Variants in WSCD2 observed in about 807,000 individuals in gnomAD.
WSCD2 encodes the protein sialate:O-sulfotransferase 2.
WSCD2 carries 28 observed loss-of-function variants against 55.7 expected under a neutral mutation model. The ratio of observed to expected loss-of-function variants is 0.50; its 90% confidence interval spans 0.37 to 0.69. The LOEUF (loss-of-function observed/expected upper bound fraction) is 0.69. Ranked by LOEUF, WSCD2 falls within the 30% of genes least tolerant of loss-of-function variation. WSCD2 has a pLI of 0.00. For synonymous variants in WSCD2, 301 were observed against 301.9 expected, an observed-to-expected ratio of 1.00 and a Z score of 0.03; for missense variants, 616 against 762.1, an observed-to-expected ratio of 0.81 and a Z score of 2.26.
chr12:108,209,138 G>A (rs936536626), intron 3 of WSCD2, among the ~76,000 whole-genome samples: 9 of 152,028 alleles, frequency 5.9e-5, no homozygotes, highest in South Asian at 4.2e-4. Context: ...GCCACTAAGC[G>A]TCCTTTTTAG....
chr12:108,237,506 G>A (rs761177934), intron 7 of WSCD2, among the ~76,000 whole-genome samples: 67 of 152,198 alleles, frequency 4.4e-4, no homozygotes, highest in Admixed American at 2.1e-3. Flanking sequence ...GGTGGAGTCC[G>A]GCAATTCCGC....
At position 108,227,868 on chromosome 12, in the gene WSCD2, A is replaced by C. The variant is rs553648439; in HGVS notation, c.979+704A>C. Among the ~76,000 whole-genome samples, 21 of 152,202 alleles carry C rather than the reference A, an allele frequency of 1.4e-4. No individual in the cohort carries two copies. In the East Asian group the frequency reaches 3.9e-3, roughly 28 times the overall value. ...GACGCTGATAGTGCTGATGATAGTG[A>C]TGATGAAAGTGATGATGACGATGAT... is the stretch of plus-strand genomic sequence containing the variant. On this transcript the variant is annotated intron_variant, in intron 6 of 8. Coordinates refer to ENST00000547525, the MANE Select transcript of WSCD2 (RefSeq NM_014653.4).
chr12:108,183,033 G>T (rs1014074710), intron 1 of WSCD2, among the ~76,000 whole-genome samples: 5 of 151,914 alleles, frequency 3.3e-5, no homozygotes, highest in African/African-American at 9.7e-5. Flanking sequence ...GCAGTGTTCT[G>T]GTTCTCTCTT....
chr12:108,189,103 G>A (rs1315070709), intron 1 of WSCD2, among the ~76,000 whole-genome samples: 2 of 152,156 alleles, frequency 1.3e-5, no homozygotes, highest in South Asian at 2.1e-4. Flanking sequence ...GGAAAAGGTT[G>A]AAAAACCATT....
At chr12:108,199,954 T>C (rs541631330) in intron 2 of WSCD2, among the ~76,000 whole-genome samples, 3 of 152,190 alleles carry the variant, frequency 2.0e-5, no homozygotes, top group Non-Finnish European at 4.4e-5. Flanking sequence ...CCAGCTATTA[T>C]TATTTATACT....
chr12:108,224,844 A>C lies in WSCD2; in HGVS notation c.788A>C (p.Asp263Ala). The change falls in exon 5 of 9, where the codon GAC (aspartate) becomes GCC (alanine). Residue 263 changes from aspartate (D) to alanine (A), a missense_variant. Physicochemically the swap from Asp to Ala is moderately radical, Grantham distance 126. Coordinates refer to ENST00000547525, the MANE Select transcript of WSCD2 (RefSeq NM_014653.4). ...AACATGTCTGTGGACAAATGCGTGG[A>C]CTTCTGCACTGAGAAGGTGAGCACA... ...MLNMSVDKCV[D>A]FCTEKEYPLA... 7 of 1,613,548 alleles carry C rather than the reference A, an allele frequency of 4.3e-6. No homozygotes were observed. The highest frequency in any genetic ancestry group is 5.9e-6 in the Non-Finnish European group (7 of 1,180,016).
intron 1 of WSCD2, among the ~76,000 whole-genome samples, chr12:108,166,583 A>G (rs942140030): frequency 6.6e-6 from 1 of 152,104 alleles, no homozygotes; most frequent in Non-Finnish European, 1.5e-5. Context: ...TCCACCGGAG[A>G]GTAAGCAGGA....
At chr12:108,201,755 C>T (rs1187978266) in intron 2 of WSCD2, among the ~76,000 whole-genome samples, 1 of 152,102 alleles carries the variant, frequency 6.6e-6, no homozygotes, top group African/African-American at 2.4e-5. Context: ...CAAATTAGTT[C>T]ATGTTTAGCT....
intron 1 of WSCD2, among the ~76,000 whole-genome samples, chr12:108,142,163 C>A (rs1261609416): frequency 1.3e-5 from 2 of 152,116 alleles, no homozygotes; most frequent in Non-Finnish European, 2.9e-5. Context: ...ATTAAAGGAG[C>A]TTTTCCTTTT....
chr12:108,201,270 G>A (rs1055379024), intron 2 of WSCD2, among the ~76,000 whole-genome samples: 1 of 152,088 alleles, frequency 6.6e-6, no homozygotes, highest in Non-Finnish European at 1.5e-5. Context: ...GCCATCCTCA[G>A]CAATCCCTTG....
Position 108,196,138 on chromosome 12 carries a change from C to G in WSCD2, c.306C>G (p.Ala102=). ...AGGGCAAGGATGGGAATGAGAGAGCCAAGCTTGGCGACTACGGTGGAGCCT... is the reference window on the plus strand; with the variant it reads ...AGGGCAAGGATGGGAATGAGAGAGCGAAGCTTGGCGACTACGGTGGAGCCT... ...WFKGKDGNER[A]KLGDYGGAWS... The change falls in exon 2 of 9, where the codon GCC becomes GCG. Residue 102 remains alanine, a synonymous_variant. Transcript: ENST00000547525. 6.2e-7 allele frequency: 1 copy of G among 1,614,128 alleles called. No homozygotes were observed. The highest frequency in any genetic ancestry group is 8.5e-7 in the Non-Finnish European group (1 of 1,180,020).
At chr12:108,158,919 G>A (rs910747519) in intron 1 of WSCD2, among the ~76,000 whole-genome samples, 1 of 152,132 alleles carries the variant, frequency 6.6e-6, no homozygotes, top group Non-Finnish European at 1.5e-5. Flanking sequence ...TTTGATGCTT[G>A]TACCTTCTCC....
chr12:108,204,545 C>T (rs1187719882), intron 2 of WSCD2, among the ~76,000 whole-genome samples: 1 of 152,192 alleles, frequency 6.6e-6, no homozygotes, highest in African/African-American at 2.4e-5. Context: ...AGCATTCGTG[C>T]CCCAAGTCAA....
At chr12:108,157,355 C>T (rs996762362) in intron 1 of WSCD2, among the ~76,000 whole-genome samples, 1 of 152,302 alleles carries the variant, frequency 6.6e-6, no homozygotes, top group South Asian at 2.1e-4. Context: ...TCATGGCATA[C>T]ATTGGAGTTC....
At chr12:108,133,693 A>G (rs1875864235) in intron 1 of WSCD2, among the ~76,000 whole-genome samples, 1 of 152,024 alleles carries the variant, frequency 6.6e-6, no homozygotes, top group Non-Finnish European at 1.5e-5. Context: ...ATGCGTGCTC[A>G]TTTTTCCAAG....
At position 108,203,133 on chromosome 12, in the gene WSCD2, A is replaced by G. The variant is rs566407523; in HGVS notation, c.383-3156A>G. 5.9e-4 allele frequency among the ~76,000 whole-genome samples: 90 copies of G among 152,358 alleles called. 1 individual carries two copies. Among genetic ancestry groups the G allele is most frequent in the African/African-American group, 1.9e-3 (79 of 41,590 alleles). On this transcript the variant is annotated intron_variant, in intron 2 of 8. Transcript: ENST00000547525. The stretch of plus-strand genomic sequence containing the variant: ...CTCGGGCAAGTTGCTAAGCTTGAGT[A>G]TCAGTGTAGTAGTTAGTGCTCCCCC...
intron 1 of WSCD2, among the ~76,000 whole-genome samples, chr12:108,140,421 A>C (rs771776551): frequency 1.3e-5 from 2 of 152,198 alleles, no homozygotes; most frequent in African/African-American, 4.8e-5. Context: ...GTCTATGAGC[A>C]GAGTGAAGAG....
intron 7 of WSCD2, 93 bp from the exon 8 acceptor site, chr12:108,240,251 A>G (rs1325216657): frequency 3.4e-6 from 5 of 1,492,410 alleles, no homozygotes; most frequent in African/African-American, 1.4e-5. Flanking sequence ...GAACAAATGC[A>G]TGAGGATTCC....
At chr12:108,166,588 G>C (rs1214671156) in intron 1 of WSCD2, among the ~76,000 whole-genome samples, 1 of 152,142 alleles carries the variant, frequency 6.6e-6, no homozygotes, top group African/African-American at 2.4e-5. Flanking sequence ...CGGAGAGTAA[G>C]CAGGATCTCT....
Sources: allele counts gnomAD v4.1 joint callset (sites outside exome capture counted in the v4.1 genomes callset), GRCh38; gene constraint gnomAD v4.1.1; transcripts MANE v1.5; gene names NCBI Gene and HGNC (gene_info 2026-07-23, HGNC 2026-07-21).